Variants in KDM4C observed in about 807,000 individuals in gnomAD.
KDM4C encodes the protein lysine-specific demethylase 4C.
A neutral mutation model predicts 129.3 loss-of-function variants in KDM4C; 81 were observed. The ratio of observed to expected loss-of-function variants is 0.63; its 90% CI spans 0.52 to 0.75. KDM4C has a LOEUF of 0.75. Among genes scored for constraint, KDM4C ranks in the 30% least tolerant of loss-of-function variants. KDM4C has a pLI of 0.00. For synonymous variants in KDM4C, 573 were observed against 456.1 expected (o/e 1.26, Z -3.26); for missense variants, 1,457 against 1,304.0 (o/e 1.12, Z -1.81).
At chr9:6,803,958 G>A (rs920991097) in intron 2 of KDM4C, among the ~76,000 whole-genome samples, 13 of 152,136 alleles carry the variant, frequency 8.5e-5, no homozygotes, top group Admixed American at 5.9e-4. Flanking sequence ...GAGTACCTGG[G>A]ATTACAGGTG....
intron 8 of KDM4C, among the ~76,000 whole-genome samples, chr9:6,928,574 G>T (rs945611033): frequency 2.6e-5 from 4 of 151,506 alleles, no homozygotes; most frequent in African/African-American, 7.3e-5. Flanking sequence ...CGGTATCCTG[G>T]ACTATAGTAT....
chr9:7,142,459 T>A (rs1841843620), intron 19 of KDM4C, among the ~76,000 whole-genome samples: 2 of 152,138 alleles, frequency 1.3e-5, no homozygotes, highest in Non-Finnish European at 2.9e-5. Context: ...TCCCCTGGGC[T>A]CCCTCATCAT....
intron 8 of KDM4C, among the ~76,000 whole-genome samples, chr9:6,914,890 A>G (rs1224702928): frequency 6.6e-6 from 1 of 152,248 alleles, no homozygotes; most frequent in African/African-American, 2.4e-5. Flanking sequence ...AACTGTGAAC[A>G]GTAAATTTCT....
intron 17 of KDM4C, among the ~76,000 whole-genome samples, chr9:7,101,616 C>A (rs980887137): frequency 2.6e-4 from 40 of 152,218 alleles, no homozygotes; most frequent in African/African-American, 9.4e-4. Flanking sequence ...TAGGGCAAGT[C>A]CCTCCTTAGG....
At chr9:6,799,238 A>C (rs2130944526) in intron 2 of KDM4C, among the ~76,000 whole-genome samples, 1 of 152,306 alleles carries the variant, frequency 6.6e-6, no homozygotes, top group Non-Finnish European at 1.5e-5. Context: ...GGTTGTAGCG[A>C]CGCGAGATCA....
chr9:6,764,614 C>T (rs148424669), intron 1 of KDM4C, among the ~76,000 whole-genome samples: 5 of 152,236 alleles, frequency 3.3e-5, no homozygotes, highest in Admixed American at 6.5e-5. Context: ...TTAACTGTTG[C>T]ACTGTATACT....
intron 17 of KDM4C, among the ~76,000 whole-genome samples, chr9:7,059,944 A>T (rs1831381784): frequency 6.6e-6 from 1 of 152,156 alleles, no homozygotes; most frequent in Admixed American, 6.5e-5. Flanking sequence ...CATAAATAGA[A>T]GTTTTTTGTG....
At chr9:6,830,156 A>G (rs1237006146) in intron 4 of KDM4C, among the ~76,000 whole-genome samples, 2 of 152,240 alleles carry the variant, frequency 1.3e-5, no homozygotes, top group Non-Finnish European at 2.9e-5. Flanking sequence ...CAAATTGTTA[A>G]AGCCATGAAG....
intron 18 of KDM4C, among the ~76,000 whole-genome samples, chr9:7,106,471 G>A (rs984818105): frequency 2.0e-5 from 3 of 152,078 alleles, no homozygotes; most frequent in African/African-American, 7.2e-5. Flanking sequence ...GAATAATGGA[G>A]GATGCCTGTA....
At chr9:6,955,721 A>C (rs1281876523) in intron 8 of KDM4C, among the ~76,000 whole-genome samples, 1 of 152,148 alleles carries the variant, frequency 6.6e-6, no homozygotes, top group African/African-American at 2.4e-5. Flanking sequence ...CATTTGCCTT[A>C]TGAGCAGTAC....
chr9:6,816,015 GTA>G (rs1327287881), intron 4 of KDM4C, among the ~76,000 whole-genome samples: 4 of 152,042 alleles, frequency 2.6e-5, no homozygotes, highest in Admixed American at 6.6e-5. Context: ...ATTATCTAGT[GTA>G]TAGACCATAT....
chr9:6,972,158 T>A (rs1007494773), intron 8 of KDM4C, among the ~76,000 whole-genome samples: 8 of 151,600 alleles, frequency 5.3e-5, no homozygotes, highest in African/African-American at 1.5e-4. Context: ...ATCAAGAGAG[T>A]GAGAGATCAA....
At chr9:7,009,570 A>G (rs906220908) in intron 12 of KDM4C, among the ~76,000 whole-genome samples, 1 of 152,160 alleles carries the variant, frequency 6.6e-6, no homozygotes, top group Non-Finnish European at 1.5e-5. Context: ...CAATATAATG[A>G]TTCCTTTGGT....
chr9:7,013,996 A>T lies in KDM4C; in HGVS notation c.2177A>T (p.His726Leu). Residue 726 changes from histidine to leucine, a missense_variant, in exon 14 of 22, where the codon CAT (histidine) becomes CTT (leucine). Physicochemically the swap from His to Leu is moderately conservative, Grantham distance 99. Transcript: ENST00000381309. ...ISCAKCCVRV[H>L]ASCYGIPSHE... ...TGTGCAAAGTGCTGCGTACGGGTTC[A>T]TGCAAGTAAATGGATCTATAATTCA... 1.2e-6 allele frequency: 2 copies of T among 1,609,498 alleles called. No homozygotes were observed. Among genetic ancestry groups the T allele is most frequent in the Non-Finnish European group, 8.5e-7 (1 of 1,177,370 alleles).
chr9:7,153,264 G>C (rs1046675290), intron 19 of KDM4C, among the ~76,000 whole-genome samples: 1 of 152,120 alleles, frequency 6.6e-6, no homozygotes, highest in African/African-American at 2.4e-5. Flanking sequence ...TTAAGTGTTT[G>C]CATTCTTTGC....
chr9:7,018,621 C>A (rs1347338389), intron 15 of KDM4C, among the ~76,000 whole-genome samples: 1 of 152,196 alleles, frequency 6.6e-6, no homozygotes, highest in East Asian at 1.9e-4. Flanking sequence ...GTTCTCTGTT[C>A]CATCCACAGT....
chr9:6,908,031 C>G (rs1199847852), intron 8 of KDM4C, among the ~76,000 whole-genome samples: 7 of 152,216 alleles, frequency 4.6e-5, no homozygotes, highest in Non-Finnish European at 1.0e-4. Context: ...AATGGATTTT[C>G]CTTATAACCT....
At chr9:6,888,781 GTT>G (rs779606475) in intron 7 of KDM4C, among the ~76,000 whole-genome samples, 1 of 114,986 alleles carries the variant, frequency 8.7e-6, no homozygotes, top group Non-Finnish European at 1.8e-5. Context: ...CTTCTTCTGT[GTT>G]TTTTTTTTTT....
chr9:6,895,909 A>G (rs1038788670), intron 8 of KDM4C, among the ~76,000 whole-genome samples: 2 of 152,188 alleles, frequency 1.3e-5, no homozygotes, highest in African/African-American at 4.8e-5. Context: ...TTTCATGTCT[A>G]TTCTTGGATA....
Sources: allele counts gnomAD v4.1 joint callset (sites outside exome capture counted in the v4.1 genomes callset), GRCh38; gene constraint gnomAD v4.1.1; transcripts MANE v1.5; gene names NCBI Gene and HGNC (gene_info 2026-07-23, HGNC 2026-07-21).